The following YWHAQ variants were observed in gnomAD, a reference collection of about 807,000 sequenced individuals.
The protein encoded by YWHAQ is 14-3-3 protein theta.
A neutral mutation model predicts 28.3 loss-of-function variants in YWHAQ; 6 were observed. That is an observed-to-expected ratio of 0.21 (90% CI 0.12 to 0.42). The LOEUF (loss-of-function observed/expected upper bound fraction) is 0.42. YWHAQ is among the 10% of genes least tolerant of loss of function. The probability of loss-of-function intolerance (pLI) is 1.00; values close to 1 mark genes in which losing one functional copy is unlikely to be tolerated. For synonymous variants in YWHAQ, 143 were observed against 119.1 expected (o/e 1.20, Z -1.31); for missense variants, 201 against 305.6 (o/e 0.66, Z 2.55).
In YWHAQ at chr2:9,630,165, C is replaced by G. The variant is rs776433787; in HGVS notation, c.288G>C (p.Thr96=). The part of the protein sequence containing the change: ...VESELRSICT[T]VLELLDKYLI... ...CCCCGCGCCGAGGACTCACCAGCAC[C>G]GTGGTGCAGATGGATCTCAGCTCGG... The change falls in exon 2 of 6, where the codon ACG becomes ACC. Residue 96 remains threonine (T), a synonymous_variant. Coordinates refer to ENST00000238081, the MANE Select transcript of YWHAQ (RefSeq NM_006826.4). This position sits in a 1 kb window ranked among gnomAD's most constrained non-coding sequence, Gnocchi z 5.6. 6.2e-7 allele frequency: 1 copy of G among 1,613,166 alleles called. No individual in the cohort carries two copies. Among genetic ancestry groups the G allele is most frequent in the Non-Finnish European group, 8.5e-7 (1 of 1,179,696 alleles).
intron 2 of YWHAQ, among the ~76,000 whole-genome samples, chr2:9,621,099 TG>T (rs1667133598): frequency 6.6e-6 from 1 of 152,128 alleles, no homozygotes; most frequent in Non-Finnish European, 1.5e-5. Flanking sequence ...CTACAGGAGG[TG>T]GAATACTACA....
chr2:9,594,772 G>A (rs1016743289), intron 2 of YWHAQ, among the ~76,000 whole-genome samples: 4 of 152,142 alleles, frequency 2.6e-5, no homozygotes, highest in African/African-American at 9.7e-5. Flanking sequence ...TAAGAGCAGG[G>A]GCTGAGAAAA....
intron 2 of YWHAQ, among the ~76,000 whole-genome samples, chr2:9,607,461 C>A (rs1666854976): frequency 6.6e-6 from 1 of 151,876 alleles, no homozygotes; most frequent in African/African-American, 2.4e-5. Flanking sequence ...CCCCCCTCGG[C>A]TTCCCAAAGT....
intron 2 of YWHAQ, among the ~76,000 whole-genome samples, chr2:9,612,169 A>G (rs1404442026): frequency 6.6e-6 from 1 of 151,998 alleles, no homozygotes; most frequent in African/African-American, 2.4e-5. Context: ...TCTCATTCCT[A>G]TTTCTATTAC....
At chr2:9,611,861 G>GT (rs1666956059) in intron 2 of YWHAQ, among the ~76,000 whole-genome samples, 1 of 152,190 alleles carries the variant, frequency 6.6e-6, no homozygotes, top group Non-Finnish European at 1.5e-5. Context: ...AGCAGATGAG[G>GT]TTTGGCCATG....
Position 9,589,260 on chromosome 2 carries a change from T to A in YWHAQ, c.419-932A>T, listed in dbSNP as rs139831532. 2.0e-5 allele frequency among the ~76,000 whole-genome samples: 3 copies of A among 152,326 alleles called. No homozygotes were observed. The East Asian group carries it at 5.8e-4, about 29-fold the overall frequency. On this transcript the variant is annotated intron_variant, in intron 3 of 5. Coordinates refer to ENST00000238081, the MANE Select transcript of YWHAQ (RefSeq NM_006826.4). ...ATTTTCTTATTTTATGTCTTTTAAT[T>A]CTATTACTTGGAAATGCAGCAATTA...
intron 2 of YWHAQ, among the ~76,000 whole-genome samples, chr2:9,593,917 T>TACACAC (rs1284878103): frequency 3.8e-5 from 4 of 104,258 alleles, no homozygotes; most frequent in South Asian, 2.8e-4. Context: ...TATATATATA[T>TACACAC]ATATATACAC....
At chr2:9,613,628 T>C (rs961784887) in intron 2 of YWHAQ, among the ~76,000 whole-genome samples, 1 of 152,294 alleles carries the variant, frequency 6.6e-6, no homozygotes, top group African/African-American at 2.4e-5. Flanking sequence ...GACCCAAATA[T>C]TTCTCGACAT....
chr2:9,604,974 C>T (rs1346261046), intron 2 of YWHAQ, among the ~76,000 whole-genome samples: 1 of 152,026 alleles, frequency 6.6e-6, no homozygotes, highest in Non-Finnish European at 1.5e-5. Flanking sequence ...CATGGCCTGG[C>T]AACATGTTGA....
chr2:9,599,068 T>C (rs1666635197), intron 2 of YWHAQ, among the ~76,000 whole-genome samples: 2 of 152,174 alleles, frequency 1.3e-5, no homozygotes, highest in South Asian at 4.1e-4. Context: ...GACTTATTGA[T>C]GATATGGAGA....
chr2:9,596,888 G>A (rs1198772113), intron 2 of YWHAQ, among the ~76,000 whole-genome samples: 1 of 152,110 alleles, frequency 6.6e-6, no homozygotes, highest in East Asian at 1.9e-4. Flanking sequence ...CAAGGGATCC[G>A]CCCTCTTCAG....
chr2:9,627,990 G>C (rs1418822886), intron 2 of YWHAQ, among the ~76,000 whole-genome samples: 1 of 152,148 alleles, frequency 6.6e-6, no homozygotes, highest in Non-Finnish European at 1.5e-5. Context: ...CATCTGATGG[G>C]AATATTGTGG....
chr2:9,601,442 GACA>G (rs1666691264), intron 2 of YWHAQ, among the ~76,000 whole-genome samples: 2 of 152,032 alleles, frequency 1.3e-5, no homozygotes, highest in African/African-American at 4.8e-5. Context: ...TTCCAGCCTG[GACA>G]ACAAGAGTGA....
At chr2:9,595,563 G>A (rs1313743020) in intron 2 of YWHAQ, among the ~76,000 whole-genome samples, 3 of 151,964 alleles carry the variant, frequency 2.0e-5, no homozygotes, top group Non-Finnish European at 4.4e-5. Flanking sequence ...AATTAGCCGG[G>A]TATGGTGACA....
At chr2:9,598,785 T>A (rs1666628560) in intron 2 of YWHAQ, among the ~76,000 whole-genome samples, 1 of 152,192 alleles carries the variant, frequency 6.6e-6, no homozygotes, top group Non-Finnish European at 1.5e-5. Context: ...GGCTTACCTA[T>A]TCCCTGAGAC....
intron 2 of YWHAQ, among the ~76,000 whole-genome samples, chr2:9,605,134 TTCTC>T (rs1204890661): frequency 1.7e-3 from 201 of 116,116 alleles, no homozygotes; most frequent in Middle Eastern, 0.013. Context: ...CCCCATTCTG[TTCTC>T]TCTTTTTTTT....
intron 5 of YWHAQ, 52 bp downstream of exon 5, chr2:9,587,362 A>G (rs1666365452): frequency 6.6e-7 from 1 of 1,508,282 alleles, no homozygotes; most frequent in African/African-American, 1.4e-5. Context: ...AATAAAATAT[A>G]AATACTTTTG....
intron 2 of YWHAQ, among the ~76,000 whole-genome samples, chr2:9,591,752 T>C (rs976100358): frequency 2.6e-5 from 4 of 152,240 alleles, no homozygotes; most frequent in Non-Finnish European, 1.5e-5. Context: ...GGCTAGATTC[T>C]AGATTACACC....
chr2:9,624,391 A>G (rs1228966713), intron 2 of YWHAQ, among the ~76,000 whole-genome samples: 2 of 152,362 alleles, frequency 1.3e-5, no homozygotes, highest in South Asian at 2.1e-4. Flanking sequence ...TAGCTAGACA[A>G]GAGGTTCAGG....
Sources: gnomAD v4.1 joint callset for allele counts (sites outside exome capture counted in the v4.1 genomes callset) on GRCh38, gnomAD v4.1.1 for gene constraint, Gnocchi (gnomAD v3.1) non-coding constraint, MANE v1.5 for transcripts, NCBI Gene and HGNC (gene_info 2026-07-23, HGNC 2026-07-21) for gene names.